Variants in UGT8 observed in about 807,000 individuals in gnomAD.
The protein encoded by UGT8 is 2-hydroxyacylsphingosine 1-beta-galactosyltransferase.
Under a neutral mutation model 40.5 loss-of-function variants are expected in UGT8, and 12 were observed. The ratio of observed to expected loss-of-function variants is 0.30; its 90% CI spans 0.19 to 0.48. UGT8 has a LOEUF of 0.48. UGT8 is among the 20% of genes least tolerant of loss of function. UGT8 has a pLI of 0.99. For missense variants in UGT8, 513 were observed against 648.7 expected (o/e 0.79, Z 2.27); for synonymous variants, 224 against 240.4 (o/e 0.93, Z 0.63).
intron 2 of UGT8, among the ~76,000 whole-genome samples, chr4:114,630,380 T>G (rs1732492526): frequency 6.6e-6 from 1 of 152,226 alleles, no homozygotes; most frequent in Non-Finnish European, 1.5e-5. Flanking sequence ...TTCAGAGGAC[T>G]TTTGGTATAT....
intron 1 of UGT8, among the ~76,000 whole-genome samples, chr4:114,604,621 TG>T (rs1730630988): frequency 6.6e-6 from 1 of 152,130 alleles, no homozygotes; most frequent in South Asian, 2.1e-4. Flanking sequence ...TTTTTTACTC[TG>T]TAATTACTGC....
rs147965727 is a variant in UGT8 at position 114,615,452 on chromosome 4, T to A, written c.-2-7427T>A. Among the ~76,000 whole-genome samples the A allele has an allele frequency of 3.1e-3, 471 of 152,224 alleles. 1 individual carries two copies. The highest frequency in any genetic ancestry group is 0.022 in the South Asian group (105 of 4,820). ...CTGAAAATCCCACATCCTGGGAAAC[T>A]TCCCCCCTCCCCACCCAGTTCTAGG... On this transcript the variant is annotated intron_variant, in intron 1 of 5. Coordinates refer to ENST00000310836, the MANE Select transcript of UGT8 (RefSeq NM_001128174.3).
chr4:114,616,981 G>T (rs796969241), intron 1 of UGT8, among the ~76,000 whole-genome samples: 16 of 152,160 alleles, frequency 1.1e-4, no homozygotes, highest in African/African-American at 3.6e-4. Flanking sequence ...TGCTGTGCAT[G>T]GTGGCTCATG....
chr4:114,671,209 A>AT (rs567257790), intron 5 of UGT8, among the ~76,000 whole-genome samples: 7 of 152,206 alleles, frequency 4.6e-5, no homozygotes, highest in Non-Finnish European at 1.0e-4. Flanking sequence ...AAAAATGAAT[A>AT]TTGTGAAAAT....
rs368679887 is a variant in UGT8, at chr4:114,625,069, C to CACACCTTTAAATTG, written c.822+1367_822+1368insACACCTTTAAATTG. Among the ~76,000 whole-genome samples, 1,087 of 152,220 alleles carry CACACCTTTAAATTG rather than the reference C, an allele frequency of 7.1e-3. 12 individuals carry two copies. Among genetic ancestry groups the CACACCTTTAAATTG allele is most frequent in the African/African-American group, 0.024 (1,008 of 41,536 alleles). ...TAATCAAGGTGTGTCTTTACCTTAACTGAGTCATTTAAAATGTTACACAAA... is the reference window on the plus strand; with the variant it reads ...TAATCAAGGTGTGTCTTTACCTTAACACACCTTTAAATTGTGAGTCATTTAAAATGTTACACAAA... On this transcript the variant is annotated intron_variant, in intron 2 of 5. Transcript: ENST00000310836.
At chr4:114,647,780 G>T (rs1733665822) in intron 2 of UGT8, among the ~76,000 whole-genome samples, 1 of 152,196 alleles carries the variant, frequency 6.6e-6, no homozygotes, top group South Asian at 2.1e-4. Flanking sequence ...AATTTGCAAA[G>T]ATTACACAGC....
chr4:114,623,988 G>T (rs1732023833), intron 2 of UGT8, among the ~76,000 whole-genome samples: 1 of 152,162 alleles, frequency 6.6e-6, no homozygotes, highest in African/African-American at 2.4e-5. Flanking sequence ...TATAGTATGT[G>T]AGGAGAATAT....
intron 3 of UGT8, among the ~76,000 whole-genome samples, chr4:114,665,089 C>T (rs1560707076): frequency 6.6e-6 from 1 of 152,184 alleles, no homozygotes; most frequent in Non-Finnish European, 1.5e-5. Context: ...ATGTCTATTC[C>T]ATTCAGACTC....
intron 1 of UGT8, among the ~76,000 whole-genome samples, chr4:114,604,722 A>C (rs576218255): frequency 6.6e-6 from 1 of 152,288 alleles, no homozygotes; most frequent in Non-Finnish European, 1.5e-5. Context: ...ATTGGTTATA[A>C]GGCATATAAT....
chr4:114,656,951 T>C (rs950294111), intron 2 of UGT8: 5 of 389,366 alleles, frequency 1.3e-5, no homozygotes, highest in Non-Finnish European at 2.5e-5. Flanking sequence ...ATATGGTACA[T>C]AGCAGCTGGT....
chr4:114,649,039 A>C (rs1352476185), intron 2 of UGT8, among the ~76,000 whole-genome samples: 1 of 152,208 alleles, frequency 6.6e-6, no homozygotes, highest in East Asian at 1.9e-4. Context: ...GCTGGAAAAT[A>C]AATTACTAAC....
chr4:114,651,441 T>G (rs1020714761), intron 2 of UGT8, among the ~76,000 whole-genome samples: 6 of 152,170 alleles, frequency 3.9e-5, no homozygotes. Flanking sequence ...ACATGTCATT[T>G]TAATTTTATG....
chr4:114,648,818 G>C (rs1733734555), intron 2 of UGT8, among the ~76,000 whole-genome samples: 1 of 152,082 alleles, frequency 6.6e-6, no homozygotes, highest in Non-Finnish European at 1.5e-5. Flanking sequence ...TTACCATTGA[G>C]CAAATTTGTA....
At chr4:114,620,013 A>C (rs959006666) in intron 1 of UGT8, among the ~76,000 whole-genome samples, 7 of 151,798 alleles carry the variant, frequency 4.6e-5, no homozygotes, top group African/African-American at 1.7e-4. Flanking sequence ...ATATCTTGAC[A>C]ATGCTATTCT....
chr4:114,608,072 T>A (rs1730836456), intron 1 of UGT8, among the ~76,000 whole-genome samples: 1 of 152,210 alleles, frequency 6.6e-6, no homozygotes, highest in South Asian at 2.1e-4. Flanking sequence ...GACTTATTTA[T>A]TTTCTCATAT....
intron 2 of UGT8, among the ~76,000 whole-genome samples, chr4:114,629,961 A>G (rs1732470340): frequency 6.6e-6 from 1 of 152,218 alleles, no homozygotes; most frequent in Non-Finnish European, 1.5e-5. Flanking sequence ...TTTTTAACTG[A>G]TAATTTTTAG....
At chr4:114,647,720 C>T (rs1733662252) in intron 2 of UGT8, among the ~76,000 whole-genome samples, 1 of 152,086 alleles carries the variant, frequency 6.6e-6, no homozygotes, top group Non-Finnish European at 1.5e-5. Flanking sequence ...TCTCCATTTT[C>T]AGATTAGGAG....
intron 1 of UGT8, among the ~76,000 whole-genome samples, chr4:114,599,585 T>G (rs966038743): frequency 3.9e-5 from 6 of 152,182 alleles, no homozygotes; most frequent in Non-Finnish European, 7.3e-5. Context: ...CTCTCGACAA[T>G]GGACAGTGTA....
At chr4:114,664,301 T>C (rs748776539) in intron 3 of UGT8, among the ~76,000 whole-genome samples, 164 bp downstream of exon 3, 3 of 152,160 alleles carry the variant, frequency 2.0e-5, no homozygotes, top group Non-Finnish European at 4.4e-5. Context: ...AGGAATTAAT[T>C]CATAAGGCTC....
Sources: gnomAD v4.1 joint callset for allele counts (sites outside exome capture counted in the v4.1 genomes callset) on GRCh38, gnomAD v4.1.1 for gene constraint, MANE v1.5 for transcripts, NCBI Gene and HGNC (gene_info 2026-07-23, HGNC 2026-07-21) for gene names.